The following PCDHA6 variants were observed in gnomAD, a reference collection of about 807,000 sequenced individuals.
The protein encoded by PCDHA6 is protocadherin alpha-6.
Under a neutral mutation model 60.3 loss-of-function variants are expected in PCDHA6, and 55 were observed. The ratio of observed to expected loss-of-function variants is 0.91; its 90% CI spans 0.73 to 1.14. The LOEUF is 1.14. Ranked by LOEUF, PCDHA6 falls within the 50% of genes most tolerant of loss-of-function variation. The pLI, the probability that PCDHA6 is intolerant of heterozygous loss-of-function variation, is 0.00. For missense variants in PCDHA6, 1,327 were observed against 1,256.5 expected (o/e 1.06, Z -0.85); for synonymous variants, 652 against 557.9 (o/e 1.17, Z -2.38).
At chr5:140,864,213 C>T (rs1389443344) in intron 1 of PCDHA6, 1 of 152,256 alleles carries the variant, frequency 6.6e-6, no homozygotes, top group East Asian at 1.9e-4. Context: ...CAAATCTTCT[C>T]AATTTTGAAG....
intron 3 of PCDHA6, among the ~76,000 whole-genome samples, chr5:141,002,021 C>T (rs1177146388): frequency 6.6e-6 from 1 of 152,184 alleles, no homozygotes; most frequent in Non-Finnish European, 1.5e-5. Context: ...GCACAGCCTT[C>T]GGTGCCCTGA....
At chr5:140,882,566 G>C in intron 1 of PCDHA6, 2 of 1,614,252 alleles carry the variant, frequency 1.2e-6, no homozygotes, top group Non-Finnish European at 8.5e-7. Flanking sequence ...TGGGCGGAGC[G>C]CGGAGTGCAG....
chr5:140,898,263 C>T lies in PCDHA6; in HGVS notation c.2394+67778C>T, dbSNP rs1420763503. The stretch of plus-strand genomic sequence containing the variant: ...GGTGTTTTAGACATGAAGTCCTTGC[C>T]CATGCCTAAGTTCTGAATGGTAATG... On this transcript the variant is annotated intron_variant, in intron 1 of 3. Transcript: ENST00000529310. 2.0e-5 allele frequency among the ~76,000 whole-genome samples: 3 copies of T among 152,270 alleles called. No individual in the cohort carries two copies. In the East Asian group the frequency reaches 5.8e-4, roughly 29 times the overall value.
intron 1 of PCDHA6, among the ~76,000 whole-genome samples, chr5:140,907,796 A>AG (rs2073616997): frequency 6.6e-6 from 1 of 152,214 alleles, no homozygotes; most frequent in African/African-American, 2.4e-5. Flanking sequence ...AAAGAGGCTA[A>AG]GTGGTGTCCA....
intron 1 of PCDHA6, chr5:140,863,175 C>T (rs1562576204): frequency 1.4e-6 from 1 of 718,568 alleles, no homozygotes; most frequent in South Asian, 1.3e-5. Context: ...CGCTGACTGC[C>T]ACCGTCACCG....
chr5:141,000,393 CTCTATATATATA>C (rs1208951211), intron 3 of PCDHA6, among the ~76,000 whole-genome samples: 9 of 52,848 alleles, frequency 1.7e-4, no homozygotes, highest in African/African-American at 6.4e-4. Context: ...CTCTCTCTCT[CTCTATATATATA>C]TATATATATA....
chr5:140,903,271 A>T (rs193242810), intron 1 of PCDHA6, among the ~76,000 whole-genome samples: 58 of 152,326 alleles, frequency 3.8e-4, no homozygotes, highest in African/African-American at 1.3e-3. Flanking sequence ...GGAGTGAGGT[A>T]GTGTCTCATT....
At chr5:140,969,994 CAGAG>C (rs1406079395) in intron 1 of PCDHA6, among the ~76,000 whole-genome samples, 2 of 152,032 alleles carry the variant, frequency 1.3e-5, no homozygotes, top group Non-Finnish European at 1.5e-5. Context: ...AGAGGGCTGT[CAGAG>C]GGAGTGGATG....
At chr5:140,870,919 C>G in intron 1 of PCDHA6, 1 of 1,613,952 alleles carries the variant, frequency 6.2e-7, no homozygotes, top group South Asian at 1.1e-5. Context: ...CAACGCGTGG[C>G]TTTCATATGA....
chr5:140,841,654 C>A lies in PCDHA6; in HGVS notation c.2394+11169C>A, dbSNP rs1270188852. The A allele has an allele frequency of 6.2e-6, 10 of 1,613,990 alleles. No homozygotes were observed. In the East Asian group the frequency reaches 1.3e-4, roughly 22 times the overall value. On this transcript the variant is annotated intron_variant, in intron 1 of 3. Transcript: ENST00000529310. ...GCATCCACCTGGAGGTGATCGTGGA[C>A]AGGCCGCTGCAGGTTTTCCATGTGG...
chr5:140,912,500 T>C (rs1554195386), intron 1 of PCDHA6, among the ~76,000 whole-genome samples: 1 of 152,204 alleles, frequency 6.6e-6, no homozygotes, highest in Non-Finnish European at 1.5e-5. Flanking sequence ...TAGGAGCTTT[T>C]TGGATGAATC....
At chr5:140,840,282 G>T (rs1294599981) in intron 1 of PCDHA6, among the ~76,000 whole-genome samples, 1 of 151,906 alleles carries the variant, frequency 6.6e-6, no homozygotes, top group Non-Finnish European at 1.5e-5. Context: ...TGGGTTTTGG[G>T]TGATTATTGA....
intron 1 of PCDHA6, among the ~76,000 whole-genome samples, chr5:140,969,920 A>G (rs1554232150): frequency 6.6e-6 from 1 of 152,226 alleles, no homozygotes; most frequent in African/African-American, 2.4e-5. Flanking sequence ...ATAAAGCTGT[A>G]GTATTTAGAC....
At chr5:141,007,476 G>A (rs1412241964) in intron 3 of PCDHA6, among the ~76,000 whole-genome samples, 1 of 151,712 alleles carries the variant, frequency 6.6e-6, no homozygotes, top group Non-Finnish European at 1.5e-5. Context: ...GCTGAGGCAC[G>A]AGAATTACTT....
Position 140,883,541 on chromosome 5 carries a change from G to T in PCDHA6, c.2394+53056G>T, listed in dbSNP as rs781952906. On this transcript the variant is annotated intron_variant, in intron 1 of 3. Coordinates refer to ENST00000529310, the MANE Select transcript of PCDHA6 (RefSeq NM_018909.4). Reference sequence around the variant, plus strand: ...GAGCGTATCAGCCTATGAACTGGTGGTGACCGCGCGGGACGGGGGCTCGCC... The same window carrying T: ...GAGCGTATCAGCCTATGAACTGGTGTTGACCGCGCGGGACGGGGGCTCGCC... 4.3e-6 allele frequency: 7 copies of T among 1,614,116 alleles called. No individual in the cohort carries two copies. In the East Asian group the frequency reaches 1.1e-4, roughly 26 times the overall value.
In PCDHA6 at chr5:141,009,880, C is replaced by G; in HGVS notation, c.2796C>G (p.Asn932Lys). The G allele has an allele frequency of 6.2e-7, 1 of 1,613,788 alleles. No individual in the cohort carries two copies. The highest frequency in any genetic ancestry group is 1.1e-5 in the South Asian group (1 of 91,042). The change falls in exon 4 of 4, where the codon AAC (asparagine) becomes AAG (lysine). Residue 932 changes from asparagine to lysine, a missense_variant. By Grantham distance (94) the Asn-to-Lys change is moderately conservative. Transcript: ENST00000529310. ...TKKKKKKKKGNKTQEKKEKGN... is the reference protein window; with the variant it reads ...TKKKKKKKKGKKTQEKKEKGN... ...AAAAGAAGAAAAAGAAGAAGGGTAA[C>G]AAGACCCAGGAGAAAAAAGAGAAAG...
intron 1 of PCDHA6, among the ~76,000 whole-genome samples, chr5:140,846,616 C>T (rs2150392938): frequency 5.4e-5 from 8 of 149,000 alleles, no homozygotes; most frequent in East Asian, 3.9e-4. Flanking sequence ...CCTCCTGATC[C>T]GCCCACTTCG....
At position 140,829,344 on chromosome 5, in the gene PCDHA6, T is replaced by A. The variant is rs2150166277; in HGVS notation, c.1253T>A (p.Val418Glu). 3.7e-6 allele frequency: 6 copies of A among 1,614,240 alleles called. No homozygotes were observed. The Middle Eastern group carries it at 8.3e-4, about 222-fold the overall frequency. Residue 418 changes from valine (V) to glutamate (E), a missense_variant, in exon 1 of 4, where the codon GTG becomes GAG. Coordinates refer to ENST00000529310, the MANE Select transcript of PCDHA6 (RefSeq NM_018909.4). ...GACAGTGCCCTGGACCGCGAGAGCG[T>A]GTCGGCCTATGAGTTGGTGGTAACC... ...VLDSALDRESVSAYELVVTAR... is the reference protein window; with the variant it reads ...VLDSALDRESESAYELVVTAR...
chr5:140,828,239 C>G lies in PCDHA6; in HGVS notation c.148C>G (p.Gln50Glu). The change falls in exon 1 of 4, where the codon CAG (glutamine) becomes GAG (glutamate). Residue 50 changes from glutamine to glutamate, a missense_variant. Physicochemically the swap from Gln to Glu is conservative, Grantham distance 29. Transcript: ENST00000529310. ...CGGCACCTTCGTGGGCCGGATCGCG[C>G]AGGACCTGGGGCTGGAGCTGGCGGA... ...KHGTFVGRIA[Q>E]DLGLELAELV... The G allele has an allele frequency of 6.2e-7, 1 of 1,613,974 alleles. No homozygotes were observed. Among genetic ancestry groups the G allele is most frequent in the South Asian group, 1.1e-5 (1 of 91,076 alleles).
Sources: allele counts gnomAD v4.1 joint callset (sites outside exome capture counted in the v4.1 genomes callset), GRCh38; gene constraint gnomAD v4.1.1; transcripts MANE v1.5; gene names NCBI Gene and HGNC (gene_info 2026-07-23, HGNC 2026-07-21).